OPCML: variants seen among roughly 807,000 people sequenced by gnomAD.
OPCML encodes the protein opioid-binding protein/cell adhesion molecule.
In OPCML, 13 loss-of-function variants were observed where a neutral mutation model predicts 37.8. The observed-to-expected ratio is 0.34, with a 90% CI of 0.22 to 0.55. OPCML has a LOEUF of 0.55. OPCML is among the 20% of genes least tolerant of loss of function. The pLI, the probability that OPCML is intolerant of heterozygous loss-of-function variation, is 0.91. For synonymous variants in OPCML, 176 were observed against 168.8 expected, an observed-to-expected ratio of 1.04 and a Z score of -0.33; for missense variants, 341 against 435.6, an observed-to-expected ratio of 0.78 and a Z score of 1.93.
intron 7 of OPCML, among the ~76,000 whole-genome samples, chr11:132,427,918 A>G (rs1227315566): frequency 6.6e-6 from 1 of 152,222 alleles, no homozygotes; most frequent in East Asian, 1.9e-4. Flanking sequence ...GGGAAAATAC[A>G]AATGATTACG....
intron 1 of OPCML, among the ~76,000 whole-genome samples, chr11:133,150,132 G>A (rs924222693): frequency 1.3e-5 from 2 of 152,186 alleles, no homozygotes; most frequent in South Asian, 4.1e-4. Context: ...AGTGGTCTTG[G>A]GAAACATGTT....
At chr11:133,322,077 C>A (rs1186173132) in intron 1 of OPCML, among the ~76,000 whole-genome samples, 1 of 152,116 alleles carries the variant, frequency 6.6e-6, no homozygotes, top group Non-Finnish European at 1.5e-5. Context: ...AAGGCAGCTG[C>A]TAGTTTAAAA....
rs1369913771 is a variant in OPCML at position 133,340,627 on chromosome 11, TG to T, written c.61+191636del. On this transcript the variant is annotated intron_variant, in intron 1 of 7. Transcript: ENST00000524381. ...CTCTCTCTGTGTGTGTGTGTGTGTG[TG>T]TGTGTGTGTGTGTGTGTGTGTAAGA... is the stretch of plus-strand genomic sequence containing the variant. Among the ~76,000 whole-genome samples the T allele has an allele frequency of 8.7e-4, 132 of 151,624 alleles. 2 individuals carry two copies. In the South Asian group the frequency reaches 0.012, roughly 14 times the overall value.
At chr11:132,890,478 A>G (rs879174130) in intron 2 of OPCML, among the ~76,000 whole-genome samples, 1 of 152,194 alleles carries the variant, frequency 6.6e-6, no homozygotes, top group Admixed American at 6.5e-5. Flanking sequence ...TTATTTAGAC[A>G]TGCAACTTTT....
chr11:133,298,015 C>T (rs1252115147), intron 1 of OPCML: 1 of 152,236 alleles, frequency 6.6e-6, no homozygotes, highest in African/African-American at 2.4e-5. Flanking sequence ...TCCCCCTTCT[C>T]CTCCTTCTCC....
At chr11:132,619,654 T>C (rs112715410) in intron 3 of OPCML, among the ~76,000 whole-genome samples, 1,855 of 142,076 alleles carry the variant, frequency 0.013, 43 homozygotes, top group African/African-American at 0.047. Flanking sequence ...CTGGCTAACA[T>C]GGTGAAACCC....
intron 1 of OPCML, among the ~76,000 whole-genome samples, chr11:133,522,636 T>C (rs1442347048): frequency 6.6e-6 from 1 of 152,134 alleles, no homozygotes; most frequent in Non-Finnish European, 1.5e-5. Context: ...GCGTAACAGA[T>C]TGGGAGGCAA....
At chr11:132,537,959 G>A (rs772306534) in intron 3 of OPCML, among the ~76,000 whole-genome samples, 15 of 152,196 alleles carry the variant, frequency 9.9e-5, no homozygotes, top group Non-Finnish European at 2.1e-4. Flanking sequence ...AATACAGTTG[G>A]TGGGAATGTA....
At chr11:133,373,176 C>A (rs1275049051) in intron 1 of OPCML, among the ~76,000 whole-genome samples, 1 of 151,986 alleles carries the variant, frequency 6.6e-6, no homozygotes, top group African/African-American at 2.4e-5. Context: ...TCCAAACACT[C>A]ATTTCAATTT....
intron 1 of OPCML, among the ~76,000 whole-genome samples, chr11:133,194,539 C>T (rs796133047): frequency 1.2e-4 from 18 of 152,214 alleles, no homozygotes; most frequent in African/African-American, 4.1e-4. Context: ...ATCACTATCA[C>T]TTTACTTCAG....
intron 1 of OPCML, chr11:133,025,233 T>G: frequency 1.3e-6 from 1 of 752,202 alleles, no homozygotes; most frequent in South Asian, 6.0e-5. Context: ...AAATTATTTT[T>G]ATTTGTGCAA....
chr11:132,650,636 G>C (rs1941384423), intron 3 of OPCML, among the ~76,000 whole-genome samples: 1 of 151,902 alleles, frequency 6.6e-6, no homozygotes. Flanking sequence ...TGGGATTAAA[G>C]TATGCATATG....
chr11:133,223,846 G>A (rs533779679), intron 1 of OPCML, among the ~76,000 whole-genome samples: 1 of 152,252 alleles, frequency 6.6e-6, no homozygotes, highest in African/African-American at 2.4e-5. Context: ...GCTGTCCCTT[G>A]GCCACATCTG....
intron 4 of OPCML, among the ~76,000 whole-genome samples, chr11:132,478,652 CTTG>C (rs2096166026): frequency 6.6e-6 from 1 of 152,188 alleles, no homozygotes; most frequent in Non-Finnish European, 1.5e-5. Flanking sequence ...CATTTAATGA[CTTG>C]TTAAATAATA....
At chr11:132,825,284 G>A (rs1940234602) in intron 2 of OPCML, among the ~76,000 whole-genome samples, 1 of 151,938 alleles carries the variant, frequency 6.6e-6, no homozygotes, top group South Asian at 2.1e-4. Flanking sequence ...AACTATATAT[G>A]AGCCTCTAGA....
intron 2 of OPCML, among the ~76,000 whole-genome samples, chr11:132,723,036 G>T (rs1244827054): frequency 6.6e-6 from 1 of 152,106 alleles, no homozygotes; most frequent in African/African-American, 2.4e-5. Context: ...ACAGAAAATG[G>T]ATCATTCTAG....
chr11:133,330,386 C>T lies in OPCML; in HGVS notation c.61+201878G>A, dbSNP rs538343512. On this transcript the variant is annotated intron_variant, in intron 1 of 7. Coordinates refer to ENST00000524381, the MANE Select transcript of OPCML (RefSeq NM_001012393.5). ...ATGCTGCTATAAAGACACATGCACA[C>T]GTATGTTTATTGCAGCACTATTCAC... 2.6e-3 allele frequency among the ~76,000 whole-genome samples: 392 copies of T among 152,206 alleles called. 3 individuals are homozygous for T. The highest frequency in any genetic ancestry group is 8.0e-3 in the African/African-American group (334 of 41,526).
intron 2 of OPCML, among the ~76,000 whole-genome samples, chr11:132,849,854 A>T (rs1397576039): frequency 6.6e-6 from 1 of 152,232 alleles, no homozygotes; most frequent in Non-Finnish European, 1.5e-5. Context: ...GCATTGTGCC[A>T]GTCCTCATGG....
chr11:133,069,155 T>C (rs1948485758), intron 1 of OPCML, among the ~76,000 whole-genome samples: 1 of 152,212 alleles, frequency 6.6e-6, no homozygotes, highest in African/African-American at 2.4e-5. Context: ...TAACCTTGAG[T>C]AAGTTATTTA....
Sources: gnomAD v4.1 joint callset for allele counts (sites outside exome capture counted in the v4.1 genomes callset) on GRCh38, gnomAD v4.1.1 for gene constraint, MANE v1.5 for transcripts, NCBI Gene and HGNC (gene_info 2026-07-23, HGNC 2026-07-21) for gene names.